Variants in HIPK3 observed in about 807,000 individuals in gnomAD.
HIPK3 encodes homeodomain-interacting protein kinase 3.
HIPK3 carries 47 observed loss-of-function variants against 124.2 expected under a neutral mutation model. That is an observed-to-expected ratio of 0.38 (90% confidence interval 0.30 to 0.48). HIPK3 has a LOEUF of 0.48. HIPK3 is among the 20% of genes least tolerant of loss of function. The probability of loss-of-function intolerance (pLI) is 0.98; values close to 1 mark genes in which losing one functional copy is unlikely to be tolerated. For synonymous variants in HIPK3, 482 were observed against 515.2 expected (o/e 0.94, Z 0.87); for missense variants, 1,286 against 1,454.3 (o/e 0.88, Z 1.88).
At chr11:33,318,519 A>G (rs976770116) in intron 2 of HIPK3, among the ~76,000 whole-genome samples, 9 of 152,200 alleles carry the variant, frequency 5.9e-5, no homozygotes, top group Admixed American at 5.2e-4. Context: ...TTCATCTATT[A>G]AAAGTTTTTA....
In HIPK3 at chr11:33,353,866, C is replaced by G; in HGVS notation, c.*298C>G. ...ATTGCCTTCTAACTAGTGCAAGACA[C>G]GTCTACATTTGGGAAGCCATTCTGT... On this transcript the variant is annotated 3_prime_UTR_variant, in exon 17 of 17. Transcript: ENST00000303296. 3.0e-6 allele frequency: 1 copy of G among 336,714 alleles called. No homozygotes were observed. Among genetic ancestry groups the G allele is most frequent in the Non-Finnish European group, 5.6e-6 (1 of 178,164 alleles). 20.9% of individuals were successfully genotyped at this position (336,714 alleles called of 1,614,324 possible).
chr11:33,319,385 A>G (rs760439990), intron 2 of HIPK3, among the ~76,000 whole-genome samples: 1 of 152,058 alleles, frequency 6.6e-6, no homozygotes, highest in Non-Finnish European at 1.5e-5. Context: ...AATCCCAGCT[A>G]CTTGGGAGGC....
chr11:33,313,554 G>C (rs1405915318), intron 2 of HIPK3, among the ~76,000 whole-genome samples: 4 of 152,078 alleles, frequency 2.6e-5, no homozygotes, highest in Non-Finnish European at 1.5e-5. Context: ...ATGGAGTAAA[G>C]TGTTAACATT....
At chr11:33,267,796 G>A (rs907622878) in intron 1 of HIPK3, among the ~76,000 whole-genome samples, 8 of 152,040 alleles carry the variant, frequency 5.3e-5, no homozygotes, top group Admixed American at 3.3e-4. Flanking sequence ...GTACCCGGCC[G>A]GAATATTATT....
At chr11:33,332,401 A>G (rs961180363) in intron 3 of HIPK3, among the ~76,000 whole-genome samples, 7 of 152,162 alleles carry the variant, frequency 4.6e-5, no homozygotes, top group South Asian at 2.1e-4. Context: ...TTAGTGTTCT[A>G]TTTACAGGAC....
intron 16 of HIPK3, 38 bp from the exon 17 acceptor site, chr11:33,353,054 A>C: frequency 1.7e-6 from 2 of 1,167,686 alleles, no homozygotes; most frequent in African/African-American, 1.5e-5. Flanking sequence ...CTTTTAAGGT[A>C]TGTTATTCAG....
At chr11:33,257,263 C>A (rs138133332), upstream of HIPK3, 1,355 of 982,968 alleles carry the variant, frequency 1.4e-3, 1 homozygote, top group South Asian at 4.4e-3. Context: ...GCGCCGCGGC[C>A]GGAGCGGAGC....
Position 33,328,647 on chromosome 11 carries a change from A to T in HIPK3, c.1221+14A>T. On this transcript the variant is annotated intron_variant, in intron 3 of 16. Transcript: ENST00000303296. ...GAGTATGATCAGGTAACAAATAATGATAATCTAATAGAATTGGTAAAAAGT... is the reference window on the plus strand; with the variant it reads ...GAGTATGATCAGGTAACAAATAATGTTAATCTAATAGAATTGGTAAAAAGT... 3 of 1,611,256 alleles carry T rather than the reference A, an allele frequency of 1.9e-6. No individual in the cohort carries two copies. The South Asian group carries it at 3.3e-5, about 18-fold the overall frequency.
intron 2 of HIPK3, among the ~76,000 whole-genome samples, chr11:33,300,912 T>C (rs1385627587): frequency 2.0e-5 from 3 of 152,148 alleles, no homozygotes; most frequent in Admixed American, 6.5e-5. Flanking sequence ...ATTTTTGTAT[T>C]GTTTTGTAGA....
intron 1 of HIPK3, among the ~76,000 whole-genome samples, chr11:33,267,588 C>T (rs1345385336): frequency 1.3e-5 from 2 of 151,918 alleles, no homozygotes; most frequent in African/African-American, 4.8e-5. Context: ...CTCTGCCTCC[C>T]AGGTTCACGC....
chr11:33,270,759 C>T (rs1183773063), intron 1 of HIPK3, among the ~76,000 whole-genome samples: 1 of 151,882 alleles, frequency 6.6e-6, no homozygotes. Context: ...AGTGCAAGAC[C>T]AGCCTGGGCA....
intron 1 of HIPK3, among the ~76,000 whole-genome samples, chr11:33,268,296 TTTA>T (rs1201463911): frequency 6.6e-6 from 1 of 152,146 alleles, no homozygotes. Flanking sequence ...TACATGTGTA[TTTA>T]AAATTGAATT....
In HIPK3 at chr11:33,356,206, A is replaced by C. The variant is rs1425718841; in HGVS notation, c.*2638A>C. On this transcript the variant is annotated 3_prime_UTR_variant, in exon 17 of 17. Coordinates refer to ENST00000303296, the MANE Select transcript of HIPK3 (RefSeq NM_005734.5). ...AAATTGACATAAATGGTAAACTTCA[A>C]CATTTTCATAATACAGTATTAATGT... 1 of 152,028 alleles carries C rather than the reference A, an allele frequency of 6.6e-6. No individual in the cohort carries two copies. The highest frequency in any genetic ancestry group is 2.1e-4 in the South Asian group (1 of 4,832). The allele number at this position is 152,028 out of a possible 1,614,324, so 9.4% of individuals were successfully genotyped here.
intron 2 of HIPK3, among the ~76,000 whole-genome samples, chr11:33,295,569 A>G (rs1329961415): frequency 6.6e-6 from 1 of 152,184 alleles, no homozygotes; most frequent in Non-Finnish European, 1.5e-5. Flanking sequence ...TTCACATAGT[A>G]CCCAGGTTAA....
chr11:33,285,075 A>G lies in HIPK3; in HGVS notation c.-2-1338A>G, dbSNP rs185391014. Among the ~76,000 whole-genome samples, 23 of 152,338 alleles carry G rather than the reference A, an allele frequency of 1.5e-4. No individual in the cohort carries two copies. In the East Asian group the frequency reaches 4.0e-3, roughly 27 times the overall value. ...GAGAATATTAAATATGCCAGAATAA[A>G]ACTGGATCCTCTTTCATATCTATGT... On this transcript the variant is annotated intron_variant, in intron 1 of 16. Transcript: ENST00000303296.
Position 33,338,805 on chromosome 11 carries a change from A to G in HIPK3, c.1390A>G (p.Arg464Gly). 6.2e-7 allele frequency: 1 copy of G among 1,613,274 alleles called. No individual in the cohort carries two copies. The highest frequency in any genetic ancestry group is 8.5e-7 in the Non-Finnish European group (1 of 1,179,410). ...AETGMKSKEA[R>G]KYIFNSLDDV... is the part of the protein sequence containing the mutation. ...GACAGGAATGAAGTCTAAAGAAGCC[A>G]GAAAATACATTTTCAACAGTCTGGA... The change falls in exon 5 of 17, where the codon AGA becomes GGA. Residue 464 changes from arginine (R) to glycine (G), a missense_variant. Arg to Gly is a moderately radical substitution (Grantham distance 125, BLOSUM62 -2). Transcript: ENST00000303296.
chr11:33,349,099 G>A, intron 13 of HIPK3, 48 bp from the exon 14 acceptor site: 2 of 1,565,102 alleles, frequency 1.3e-6, no homozygotes, highest in Non-Finnish European at 1.7e-6. Context: ...TATTTGGAGA[G>A]TATCTTCTTG....
At chr11:33,344,226 T>C (rs1565096649) in intron 8 of HIPK3, among the ~76,000 whole-genome samples, 1 of 152,232 alleles carries the variant, frequency 6.6e-6, no homozygotes, top group Admixed American at 6.5e-5. Flanking sequence ...AAGATTGCTG[T>C]TTAAAAATTT....
intron 2 of HIPK3, among the ~76,000 whole-genome samples, chr11:33,310,273 TGTC>T (rs1343804248): frequency 0.02 from 1,135 of 56,862 alleles, 18 homozygotes; most frequent in African/African-American, 0.049. Context: ...TCTGTCTGTC[TGTC>T]TATCTTATCT....
Sources: gnomAD v4.1 joint callset for allele counts (sites outside exome capture counted in the v4.1 genomes callset) on GRCh38, gnomAD v4.1.1 for gene constraint, MANE v1.5 for transcripts, NCBI Gene and HGNC (gene_info 2026-07-23, HGNC 2026-07-21) for gene names.